Variants in PUDP observed in about 807,000 individuals in gnomAD.
PUDP encodes pseudouridine-5'-phosphatase.
In PUDP, 8 loss-of-function variants were observed where a neutral mutation model predicts 9.4. That is an observed-to-expected ratio of 0.85 (90% confidence interval 0.50 to 1.53). The LOEUF is 1.53. Ranked by LOEUF, PUDP falls within the 40% of genes most tolerant of loss-of-function variation. The pLI is 0.00. For synonymous variants in PUDP, 99 were observed against 80.7 expected, an observed-to-expected ratio of 1.23 and a Z score of -1.22; for missense variants, 188 against 189.7, an observed-to-expected ratio of 0.99 and a Z score of 0.05.
At chrX:6,859,952 G>T (rs774788090) in intron 3 of PUDP, among the ~76,000 whole-genome samples, 4 of 112,330 alleles carry the variant, frequency 3.6e-5, no homozygotes, top group Non-Finnish European at 7.5e-5. Context: ...CTGCAATGCC[G>T]TATCTCAGTG....
At chrX:6,960,795 C>T (rs1229302232) in intron 3 of PUDP, among the ~76,000 whole-genome samples, 1 of 111,428 alleles carries the variant, frequency 9.0e-6, no homozygotes, top group East Asian at 2.8e-4. Flanking sequence ...GTATAGAACA[C>T]AGGTTGGCCA....
chrX:6,877,080 C>T (rs1308939005), intron 3 of PUDP, among the ~76,000 whole-genome samples: 1 of 109,708 alleles, frequency 9.1e-6, no homozygotes, highest in Non-Finnish European at 1.9e-5. Context: ...AGTGATCCTC[C>T]CGAGTAGCTG....
chrX:7,144,360 T>C (rs1203539878), intron 1 of PUDP, among the ~76,000 whole-genome samples: 1 of 112,462 alleles, frequency 8.9e-6, no homozygotes, highest in Non-Finnish European at 1.9e-5. Flanking sequence ...GAAAAATCTA[T>C]TTTTGTCATC....
At chrX:7,065,720 G>A (rs1032455262) in intron 3 of PUDP, among the ~76,000 whole-genome samples, 3 of 111,890 alleles carry the variant, frequency 2.7e-5, no homozygotes, top group Middle Eastern at 4.2e-3. Context: ...GAGAGTTCAC[G>A]GGCTTTATTG....
chrX:7,004,065 G>A (rs1274858501), intron 1 of PUDP, among the ~76,000 whole-genome samples: 2 of 110,277 alleles, frequency 1.8e-5, no homozygotes, highest in African/African-American at 6.6e-5. Context: ...TTGTAGAGAT[G>A]GGGTTTTACC....
chrX:6,789,140 A>C (rs1310140087), intron 3 of PUDP, among the ~76,000 whole-genome samples: 1 of 110,806 alleles, frequency 9.0e-6, no homozygotes, highest in East Asian at 2.8e-4. Context: ...AAATACAAAA[A>C]TTAGCAGGGT....
At chrX:6,951,244 CATAT>C (rs764081545) in intron 3 of PUDP, among the ~76,000 whole-genome samples, 19 of 68,094 alleles carry the variant, frequency 2.8e-4, no homozygotes, top group African/African-American at 7.6e-4. Context: ...ATCCATCCAT[CATAT>C]CTATCTATCT....
intron 3 of PUDP, among the ~76,000 whole-genome samples, chrX:6,794,141 G>A (rs1925799035): frequency 8.9e-6 from 1 of 112,186 alleles, no homozygotes; most frequent in African/African-American, 3.2e-5. Context: ...TCATAATACA[G>A]TCATGTGTTG....
chrX:6,950,365 T>A (rs758562402), intron 3 of PUDP, among the ~76,000 whole-genome samples: 7 of 102,499 alleles, frequency 6.8e-5, no homozygotes, highest in African/African-American at 2.1e-4. Context: ...GATGGAGTCA[T>A]AGTTTTATAA....
intron 3 of PUDP, among the ~76,000 whole-genome samples, chrX:6,754,912 A>G (rs1337871155): frequency 9.0e-6 from 1 of 111,514 alleles, no homozygotes; most frequent in Non-Finnish European, 1.9e-5. Flanking sequence ...TTCTTGGCTC[A>G]GTTCATCCTG....
At chrX:7,130,416 T>C (rs1395596181) in intron 1 of PUDP, among the ~76,000 whole-genome samples, 1 of 109,594 alleles carries the variant, frequency 9.1e-6, no homozygotes, top group Non-Finnish European at 1.9e-5. Flanking sequence ...GGACAAAACA[T>C]GGTGGGCATA....
intron 3 of PUDP, among the ~76,000 whole-genome samples, chrX:6,897,988 T>C (rs888583725): frequency 2.7e-5 from 3 of 112,416 alleles, no homozygotes; most frequent in African/African-American, 9.7e-5. Context: ...AAACCCTGCA[T>C]GGAGAGAAGT....
At chrX:6,976,794 A>T (rs1483780943) in intron 3 of PUDP, among the ~76,000 whole-genome samples, 1 of 111,726 alleles carries the variant, frequency 9.0e-6, no homozygotes, top group African/African-American at 3.3e-5. Context: ...TCATTTGGAG[A>T]CTTCAACCCC....
chrX:7,135,989 A>G (rs1249884120), intron 1 of PUDP, among the ~76,000 whole-genome samples: 3 of 111,685 alleles, frequency 2.7e-5, no homozygotes, highest in Non-Finnish European at 5.6e-5. Flanking sequence ...TCCAATTGTC[A>G]CAAAAATGTC....
intron 3 of PUDP, among the ~76,000 whole-genome samples, chrX:6,976,934 G>A (rs1369231012): frequency 7.1e-5 from 8 of 112,103 alleles, no homozygotes; most frequent in Non-Finnish European, 1.5e-4. Flanking sequence ...CACTCAAGAG[G>A]CATTGCAAAC....
chrX:6,845,636 A>C (rs1172079102), intron 3 of PUDP, among the ~76,000 whole-genome samples: 2 of 110,629 alleles, frequency 1.8e-5, no homozygotes, highest in Admixed American at 1.9e-4. Context: ...TCCCAGCATG[A>C]AGGATTGTGT....
chrX:6,870,264 A>G (rs1258863383), intron 3 of PUDP, among the ~76,000 whole-genome samples: 1 of 111,693 alleles, frequency 9.0e-6, no homozygotes, highest in Non-Finnish European at 1.9e-5. Flanking sequence ...ACATAAACTT[A>G]ACAGTACTGA....
intron 3 of PUDP, among the ~76,000 whole-genome samples, chrX:6,872,928 C>T (rs1173035817): frequency 9.0e-6 from 1 of 110,701 alleles, no homozygotes; most frequent in African/African-American, 3.3e-5. Flanking sequence ...CACATGGCTA[C>T]ATTAAAAATC....
intron 3 of PUDP, among the ~76,000 whole-genome samples, chrX:6,857,786 T>G (rs1008802836): frequency 4.5e-5 from 5 of 111,691 alleles, no homozygotes; most frequent in African/African-American, 1.3e-4. Context: ...TGGTCTTCTA[T>G]GCCCTCCTAC....
Sources: allele counts gnomAD v4.1 joint callset (sites outside exome capture counted in the v4.1 genomes callset), GRCh38; gene constraint gnomAD v4.1.1; transcripts MANE v1.5; gene names NCBI Gene and HGNC (gene_info 2026-07-23, HGNC 2026-07-21).